CNTN6: variants seen among roughly 807,000 people sequenced by gnomAD.
CNTN6 encodes the protein contactin-6.
A neutral mutation model predicts 122.8 loss-of-function variants in CNTN6; 137 were observed. The observed-to-expected ratio is 1.12, with a 90% CI of 0.97 to 1.29. CNTN6 has a LOEUF of 1.29. CNTN6 is among the 50% of genes most tolerant of loss of function. The probability of loss-of-function intolerance (pLI) is 0.00; values close to 1 mark genes in which losing one functional copy is unlikely to be tolerated. For missense variants in CNTN6, 1,634 were observed against 1,223.4 expected (o/e 1.34, Z -5.01); for synonymous variants, 570 against 426.0 (o/e 1.34, Z -4.16).
intron 1 of CNTN6, among the ~76,000 whole-genome samples, chr3:1,118,734 A>C (rs960782513): frequency 6.6e-6 from 1 of 152,118 alleles, no homozygotes; most frequent in African/African-American, 2.4e-5. Context: ...TCATAATTTA[A>C]TGGAAATTAT....
At chr3:1,263,407 A>G (rs1020634578) in intron 4 of CNTN6, among the ~76,000 whole-genome samples, 2 of 152,162 alleles carry the variant, frequency 1.3e-5, no homozygotes, top group African/African-American at 4.8e-5. Flanking sequence ...GTGACAAGCC[A>G]TAATTTGACC....
At chr3:1,129,828 C>T (rs6442220) in intron 1 of CNTN6, among the ~76,000 whole-genome samples, 55,935 of 151,740 alleles carry the variant, frequency 0.37, 10,827 homozygotes, top group East Asian at 0.46. Flanking sequence ...ATTGATTTCA[C>T]GTCTCAAGTC....
chr3:1,344,907 G>A (rs1704436586), intron 11 of CNTN6, among the ~76,000 whole-genome samples: 1 of 152,086 alleles, frequency 6.6e-6, no homozygotes, highest in Non-Finnish European at 1.5e-5. Context: ...ATTTAGGTTT[G>A]TTTCCTCTGG....
chr3:1,106,980 C>G (rs1305194966), intron 1 of CNTN6, among the ~76,000 whole-genome samples: 1 of 152,064 alleles, frequency 6.6e-6, no homozygotes, highest in African/African-American at 2.4e-5. Flanking sequence ...ATCTATCTAT[C>G]TCTCTAAATA....
At chr3:1,141,491 C>G (rs2092607353) in intron 1 of CNTN6, among the ~76,000 whole-genome samples, 2 of 152,168 alleles carry the variant, frequency 1.3e-5, no homozygotes, top group African/African-American at 4.8e-5. Context: ...TAATATTCCT[C>G]CTTGACCATT....
At chr3:1,183,125 G>T (rs2093581379) in intron 2 of CNTN6, among the ~76,000 whole-genome samples, 1 of 152,094 alleles carries the variant, frequency 6.6e-6, no homozygotes, top group African/African-American at 2.4e-5. Flanking sequence ...GAAGATAAAA[G>T]ATTTTAAAGG....
intron 20 of CNTN6, among the ~76,000 whole-genome samples, chr3:1,388,822 G>C (rs1259501551): frequency 2.0e-5 from 3 of 148,686 alleles, no homozygotes; most frequent in African/African-American, 7.5e-5. Context: ...AGCAATGGAA[G>C]ATGAAATGAA....
At position 1,307,511 on chromosome 3, in the gene CNTN6, G is replaced by A. The variant is rs113387404; in HGVS notation, c.761+9520G>A. 3.3e-3 allele frequency among the ~76,000 whole-genome samples: 506 copies of A among 151,992 alleles called. 2 individuals are homozygous for A. The highest frequency in any genetic ancestry group is 6.1e-3 in the Non-Finnish European group (416 of 67,974). ...ATTTCCCTTGTTACTAACATCTTACGTTATTATGATGCATTTGTTACAATT... is the reference window on the plus strand; with the variant it reads ...ATTTCCCTTGTTACTAACATCTTACATTATTATGATGCATTTGTTACAATT... On this transcript the variant is annotated intron_variant, in intron 7 of 22. Coordinates refer to ENST00000446702, the MANE Select transcript of CNTN6 (RefSeq NM_001289080.2).
chr3:1,226,721 T>C (rs957524719), intron 3 of CNTN6, among the ~76,000 whole-genome samples: 4 of 152,212 alleles, frequency 2.6e-5, no homozygotes, highest in Non-Finnish European at 5.9e-5. Context: ...ATTTTTTTTC[T>C]GAAGGCTTTC....
intron 2 of CNTN6, among the ~76,000 whole-genome samples, chr3:1,192,090 G>C (rs1248678406): frequency 6.6e-6 from 1 of 151,932 alleles, no homozygotes; most frequent in African/African-American, 2.4e-5. Context: ...GATCCTTTTA[G>C]GTCAGTCCTT....
chr3:1,361,334 A>T (rs951069419), intron 12 of CNTN6, among the ~76,000 whole-genome samples: 19 of 152,142 alleles, frequency 1.2e-4, no homozygotes, highest in African/African-American at 4.6e-4. Context: ...GTTGCTATTA[A>T]AATATAGGCA....
At chr3:1,256,999 C>G (rs114987055) in intron 4 of CNTN6, among the ~76,000 whole-genome samples, 5 of 152,126 alleles carry the variant, frequency 3.3e-5, no homozygotes, top group Admixed American at 1.3e-4. Context: ...ATACTTTCAA[C>G]AGCACCACCC....
intron 10 of CNTN6, among the ~76,000 whole-genome samples, chr3:1,328,446 G>C (rs2125994054): frequency 6.6e-6 from 1 of 151,860 alleles, no homozygotes; most frequent in South Asian, 2.1e-4. Flanking sequence ...TGGGTGATGA[G>C]CACTCATTCA....
intron 4 of CNTN6, among the ~76,000 whole-genome samples, chr3:1,240,278 G>T (rs2094465762): frequency 1.3e-5 from 2 of 151,994 alleles, no homozygotes; most frequent in Non-Finnish European, 2.9e-5. Flanking sequence ...TTTATCCAAC[G>T]AATGACTGAT....
At chr3:1,148,092 A>G in intron 2 of CNTN6, 29 bp downstream of exon 2, 1 of 1,540,620 alleles carries the variant, frequency 6.5e-7, no homozygotes, top group Non-Finnish European at 8.9e-7. Flanking sequence ...ATAAGTTTTG[A>G]TTGATAAATA....
chr3:1,191,127 G>T (rs1432313804), intron 2 of CNTN6, among the ~76,000 whole-genome samples: 1 of 152,136 alleles, frequency 6.6e-6, no homozygotes, highest in Non-Finnish European at 1.5e-5. Context: ...TTAGTGATGA[G>T]TGCTATGAGC....
intron 1 of CNTN6, among the ~76,000 whole-genome samples, chr3:1,108,931 T>G (rs1038218377): frequency 3.3e-5 from 5 of 152,070 alleles, no homozygotes; most frequent in African/African-American, 1.2e-4. Flanking sequence ...AATAATTCAA[T>G]TTTAGAATTA....
chr3:1,306,616 T>C (rs759711355), intron 7 of CNTN6, among the ~76,000 whole-genome samples: 7 of 151,306 alleles, frequency 4.6e-5, no homozygotes, highest in Non-Finnish European at 7.4e-5. Context: ...TGGTCAGTTT[T>C]CTTATCTGTA....
At chr3:1,338,083 G>A (rs1338589367) in intron 11 of CNTN6, among the ~76,000 whole-genome samples, 1 of 152,054 alleles carries the variant, frequency 6.6e-6, no homozygotes, top group Admixed American at 6.6e-5. Flanking sequence ...CCTTGTGTTG[G>A]CCTATTACTG....
Sources: gnomAD v4.1 joint callset for allele counts (sites outside exome capture counted in the v4.1 genomes callset) on GRCh38, gnomAD v4.1.1 for gene constraint, MANE v1.5 for transcripts, NCBI Gene and HGNC (gene_info 2026-07-23, HGNC 2026-07-21) for gene names.